Variants in CDK14 observed in about 807,000 individuals in gnomAD.
CDK14 encodes the protein cyclin dependent kinase 14, also known as cyclin-dependent kinase 14.
In CDK14, 34 loss-of-function variants were observed where a neutral mutation model predicts 60.7. That is an observed-to-expected ratio of 0.56 (90% CI 0.43 to 0.75). CDK14 has a LOEUF of 0.75. CDK14 is among the 30% of genes least tolerant of loss of function. The probability of loss-of-function intolerance (pLI) is 0.00; values close to 1 mark genes in which losing one functional copy is unlikely to be tolerated. For synonymous variants in CDK14, 197 were observed against 203.7 expected (o/e 0.97, Z 0.28); for missense variants, 482 against 564.1 (o/e 0.85, Z 1.47).
intron 6 of CDK14, among the ~76,000 whole-genome samples, chr7:90,864,720 G>A (rs1339599376): frequency 3.3e-5 from 5 of 152,066 alleles, no homozygotes; most frequent in African/African-American, 7.2e-5. Flanking sequence ...GTCATTTGAC[G>A]ATTTTGTATT....
At chr7:90,747,616 TC>T in intron 3 of CDK14, 64 bp from the exon 4 acceptor site, 1 of 882,616 alleles carries the variant, frequency 1.1e-6, no homozygotes, top group Non-Finnish European at 1.8e-6. Context: ...TTTAGCAAAA[TC>T]AGGGTATTTG....
chr7:90,650,448 A>G (rs1026847614), intron 2 of CDK14, among the ~76,000 whole-genome samples: 1 of 152,030 alleles, frequency 6.6e-6, no homozygotes, highest in Non-Finnish European at 1.5e-5. Flanking sequence ...GCTGTGCAGA[A>G]GCTCTTTAGT....
At chr7:90,634,606 T>C (rs1017690431) in intron 2 of CDK14, among the ~76,000 whole-genome samples, 3 of 152,106 alleles carry the variant, frequency 2.0e-5, no homozygotes, top group African/African-American at 7.2e-5. Context: ...TGTGCATGTG[T>C]CTTTATAGCA....
intron 14 of CDK14, among the ~76,000 whole-genome samples, chr7:91,152,524 TTTC>T (rs2115693914): frequency 6.6e-6 from 1 of 152,354 alleles, no homozygotes; most frequent in Non-Finnish European, 1.5e-5. Context: ...CTTCCAGAAT[TTTC>T]TTCAAACAAC....
chr7:91,147,162 TCACACACACACACA>T lies in CDK14; in HGVS notation c.*28+28986_*28+28999del, dbSNP rs71107808. 6.4e-3 allele frequency among the ~76,000 whole-genome samples: 793 copies of T among 124,680 alleles called. 9 individuals carry two copies. Among genetic ancestry groups the T allele is most frequent in the Non-Finnish European group, 8.5e-3 (518 of 61,058 alleles). The allele number at this position is 124,680 out of a possible 152,430, so 81.8% of individuals were successfully genotyped here. A position where few individuals can be genotyped will look rare whatever the true frequency, so the allele number is the denominator to read the frequency against. On this transcript the variant is annotated intron_variant, in intron 14 of 14. Coordinates refer to ENST00000380050, the MANE Select transcript of CDK14 (RefSeq NM_001287135.2). ...CTCTGTCTCTCTCTCTCTCTCTCTC[TCACACACACACACA>T]CACACACACACACACACACACACAC...
chr7:90,995,244 C>T (rs1050496444), intron 10 of CDK14, among the ~76,000 whole-genome samples: 15 of 152,328 alleles, frequency 9.8e-5, no homozygotes, highest in African/African-American at 3.6e-4. Flanking sequence ...TTACAAGTTG[C>T]TCTGAGGAGG....
At chr7:91,126,612 A>G (rs1001041036) in intron 14 of CDK14, among the ~76,000 whole-genome samples, 1 of 152,178 alleles carries the variant, frequency 6.6e-6, no homozygotes, top group African/African-American at 2.4e-5. Context: ...GATGGGATAT[A>G]TCTTGTGTTC....
intron 2 of CDK14, among the ~76,000 whole-genome samples, chr7:90,696,340 T>TCTTCTTC (rs1297040160): frequency 2.2e-4 from 31 of 141,490 alleles, no homozygotes; most frequent in Middle Eastern, 3.6e-3. Flanking sequence ...CTTCTTCTTT[T>TCTTCTTC]TTTTTTTTTT....
chr7:90,778,734 A>G (rs1041966313), intron 4 of CDK14, among the ~76,000 whole-genome samples: 2 of 148,876 alleles, frequency 1.3e-5, no homozygotes, highest in African/African-American at 5.0e-5. Flanking sequence ...TCACATTCTC[A>G]CCCTCTGAGC....
intron 14 of CDK14, among the ~76,000 whole-genome samples, chr7:91,172,230 A>G (rs962768544): frequency 2.0e-5 from 3 of 152,186 alleles, no homozygotes; most frequent in Admixed American, 1.3e-4. Flanking sequence ...TCTCTTTCAT[A>G]TCCATTATTT....
intron 5 of CDK14, among the ~76,000 whole-genome samples, chr7:90,791,979 T>A (rs1469900549): frequency 6.6e-6 from 1 of 150,456 alleles, no homozygotes; most frequent in Non-Finnish European, 1.5e-5. Context: ...CTCGGCTCAC[T>A]GCAACCTCTG....
chr7:91,201,511 G>C (rs1802723367), intron 14 of CDK14, among the ~76,000 whole-genome samples: 4 of 151,738 alleles, frequency 2.6e-5, no homozygotes. Context: ...AGTACTTTGA[G>C]GAAGGGCAAT....
At chr7:90,791,959 A>G (rs1403300567) in intron 5 of CDK14, among the ~76,000 whole-genome samples, 6 of 149,746 alleles carry the variant, frequency 4.0e-5, no homozygotes, top group South Asian at 4.2e-4. Context: ...CTGGAGTGCA[A>G]TGGCACAATC....
At position 91,079,898 on chromosome 7, in the gene CDK14, G is replaced by A. The variant is rs73400905; in HGVS notation, c.1154+418G>A. Among the ~76,000 whole-genome samples, 1,194 of 152,072 alleles carry A rather than the reference G, an allele frequency of 7.9e-3. 18 individuals carry two copies. Among genetic ancestry groups the A allele is most frequent in the African/African-American group, 0.026 (1,098 of 41,490 alleles). ...TTCACTTCGCATATTTTTCCCTTAC[G>A]CCTTATTGGGAAGCTAAATGCATTT... On this transcript the variant is annotated intron_variant, in intron 12 of 14. Coordinates refer to ENST00000380050, the MANE Select transcript of CDK14 (RefSeq NM_001287135.2).
At chr7:90,886,473 A>G (rs1791949610) in intron 6 of CDK14, among the ~76,000 whole-genome samples, 1 of 152,168 alleles carries the variant, frequency 6.6e-6, no homozygotes, top group South Asian at 2.1e-4. Context: ...GTGACTTTCA[A>G]ATGATATTTT....
intron 5 of CDK14, among the ~76,000 whole-genome samples, chr7:90,834,697 G>C (rs1454645204): frequency 6.6e-6 from 1 of 152,208 alleles, no homozygotes; most frequent in Non-Finnish European, 1.5e-5. Flanking sequence ...CTGCTGGATT[G>C]ATCCAGGGGA....
intron 6 of CDK14, among the ~76,000 whole-genome samples, chr7:90,894,128 A>G (rs899081157): frequency 6.6e-6 from 1 of 152,202 alleles, no homozygotes; most frequent in Admixed American, 6.5e-5. Context: ...ATCATGAATC[A>G]TCATCACCTA....
At chr7:90,667,942 C>T (rs540418294) in intron 2 of CDK14, among the ~76,000 whole-genome samples, 9 of 152,226 alleles carry the variant, frequency 5.9e-5, no homozygotes, top group South Asian at 4.2e-4. Context: ...CATTAGTTGA[C>T]GGACATTTGG....
At chr7:91,179,443 A>G (rs1310218327) in intron 14 of CDK14, among the ~76,000 whole-genome samples, 4 of 151,474 alleles carry the variant, frequency 2.6e-5, no homozygotes, top group Non-Finnish European at 4.4e-5. Flanking sequence ...AGCATGGCAC[A>G]TGTATACATA....
Sources: gnomAD v4.1 joint callset for allele counts (sites outside exome capture counted in the v4.1 genomes callset) on GRCh38, gnomAD v4.1.1 for gene constraint, MANE v1.5 for transcripts, NCBI Gene and HGNC (gene_info 2026-07-23, HGNC 2026-07-21) for gene names.